CPS1: variants seen among roughly 807,000 people sequenced by gnomAD.
The protein encoded by CPS1 is carbamoyl-phosphate synthase [ammonia], mitochondrial.
Under a neutral mutation model 174.6 loss-of-function variants are expected in CPS1, and 109 were observed. The ratio of observed to expected loss-of-function variants is 0.62; its 90% CI spans 0.53 to 0.73. CPS1 has a LOEUF of 0.73. Among genes scored for constraint, CPS1 ranks in the 30% least tolerant of loss-of-function variants. CPS1 has a pLI of 0.00. For synonymous variants in CPS1, 637 were observed against 632.0 expected (o/e 1.01, Z -0.12); for missense variants, 1,689 against 1,821.9 (o/e 0.93, Z 1.33).
intron 21 of CPS1, among the ~76,000 whole-genome samples, chr2:210,637,097 A>G (rs1333495602): frequency 6.6e-6 from 1 of 152,194 alleles, no homozygotes; most frequent in African/African-American, 2.4e-5. Flanking sequence ...AGAACCGGCC[A>G]TGGATTTGGG....
chr2:210,521,330 T>G (rs1695820781), intron 1 of CPS1, among the ~76,000 whole-genome samples: 1 of 151,860 alleles, frequency 6.6e-6, no homozygotes, highest in East Asian at 1.9e-4. Context: ...TTTCCTTTTT[T>G]TCTCAATTTT....
chr2:210,656,282 T>C (rs1015632077), intron 29 of CPS1, among the ~76,000 whole-genome samples: 2 of 152,192 alleles, frequency 1.3e-5, no homozygotes, highest in African/African-American at 4.8e-5. Context: ...TCCTATTACT[T>C]ATACCCATGC....
At chr2:210,478,214 A>G (rs148834918) in intron 1 of CPS1, among the ~76,000 whole-genome samples, 87 of 152,302 alleles carry the variant, frequency 5.7e-4, no homozygotes, top group African/African-American at 1.9e-3. Context: ...AACAGTATCT[A>G]TTGTTCACTC....
intron 21 of CPS1, among the ~76,000 whole-genome samples, chr2:210,624,391 C>T (rs1270864779): frequency 6.6e-6 from 1 of 152,008 alleles, no homozygotes; most frequent in Non-Finnish European, 1.5e-5. Context: ...CCATTCTATG[C>T]TTTCAGTCTT....
At chr2:210,548,865 T>A (rs573849037) in intron 1 of CPS1, among the ~76,000 whole-genome samples, 2 of 152,208 alleles carry the variant, frequency 1.3e-5, no homozygotes, top group South Asian at 4.1e-4. Context: ...TGGAACTTAA[T>A]GTTTGTGAAA....
chr2:210,639,398 G>A (rs1700139421), intron 23 of CPS1, among the ~76,000 whole-genome samples, 183 bp downstream of exon 23: 1 of 151,454 alleles, frequency 6.6e-6, no homozygotes, highest in African/African-American at 2.4e-5. Context: ...GGATCATGAG[G>A]TCAGGAGATC....
At chr2:210,554,483 T>A (rs1344704562), upstream of CPS1, among the ~76,000 whole-genome samples, 2 of 151,898 alleles carry the variant, frequency 1.3e-5, no homozygotes, top group Non-Finnish European at 2.9e-5. Flanking sequence ...TAAATGGTGA[T>A]GAAGTCTTTT....
At chr2:210,595,719 C>A in intron 13 of CPS1, 137 bp downstream of exon 13, 1 of 687,334 alleles carries the variant, frequency 1.5e-6, no homozygotes, top group Admixed American at 2.4e-5. Flanking sequence ...CTTTATAAAT[C>A]TTGTATTAAA....
chr2:210,631,827 G>T (rs1018970970), intron 21 of CPS1, among the ~76,000 whole-genome samples: 3 of 152,152 alleles, frequency 2.0e-5, no homozygotes, highest in African/African-American at 7.2e-5. Flanking sequence ...GATTTAATGT[G>T]TATATGTTCA....
At chr2:210,487,648 T>G (rs1694764806) in intron 1 of CPS1, among the ~76,000 whole-genome samples, 1 of 152,244 alleles carries the variant, frequency 6.6e-6, no homozygotes. Context: ...GATGTCCTTA[T>G]GTTTAAGATT....
At chr2:210,524,496 G>T (rs1026492656) in intron 1 of CPS1, among the ~76,000 whole-genome samples, 1 of 151,948 alleles carries the variant, frequency 6.6e-6, no homozygotes, top group East Asian at 1.9e-4. Context: ...CTATAATTAA[G>T]TAGTGGATAT....
intron 14 of CPS1, among the ~76,000 whole-genome samples, chr2:210,599,967 G>A (rs1218597316): frequency 6.6e-6 from 1 of 151,904 alleles, no homozygotes; most frequent in African/African-American, 2.4e-5. Flanking sequence ...TGATAGCATA[G>A]ATCAGTCTTT....
rs977488473 is a variant in CPS1, at chr2:210,678,927, T to G, written c.*942T>G. On this transcript the variant is annotated 3_prime_UTR_variant, in exon 38 of 38. Transcript: ENST00000233072. ...ATTCCCTTAAGACGATGGATTCTGT[T>G]GAACTATGGGGTCCCACACTGCACT... 5.3e-5 allele frequency: 8 copies of G among 152,190 alleles called. No individual in the cohort carries two copies. Among genetic ancestry groups the G allele is most frequent in the Admixed American group, 2.0e-4 (3 of 15,280 alleles). The allele number at this position is 152,190 out of a possible 1,614,324, so 9.4% of individuals were successfully genotyped here.
chr2:210,599,461 C>G lies in CPS1; in HGVS notation c.1449C>G (p.Tyr483Ter). ...EVGLKQADTV[Y>*]FLPITPQFVT... ...GCTTAAAGCAAGCGGATACTGTCTA[C>G]TTTCTTCCCATCACCCCTCAGTTTG... The change falls in exon 14 of 38, where the codon TAC becomes TAG. Residue 483 changes from tyrosine (Y) to a stop codon, truncating the protein, a stop_gained. Coordinates refer to ENST00000233072, the MANE Select transcript of CPS1 (RefSeq NM_001875.5). LOFTEE classifies it high-confidence loss of function. 1 of 1,612,628 alleles carries G rather than the reference C, an allele frequency of 6.2e-7. No homozygotes were observed. The highest frequency in any genetic ancestry group is 8.5e-7 in the Non-Finnish European group (1 of 1,179,094).
At chr2:210,635,504 T>G (rs1233891058) in intron 21 of CPS1, among the ~76,000 whole-genome samples, 3 of 152,210 alleles carry the variant, frequency 2.0e-5, no homozygotes, top group African/African-American at 7.2e-5. Flanking sequence ...CCACTGACCA[T>G]GTGTGGCTGT....
At chr2:210,486,153 CA>C (rs1559731086) in intron 1 of CPS1, among the ~76,000 whole-genome samples, 47 of 128,402 alleles carry the variant, frequency 3.7e-4, no homozygotes, top group African/African-American at 1.4e-3. Flanking sequence ...CACACACACA[CA>C]CACACCCTGT....
At chr2:210,667,927 A>G (rs982131361) in intron 33 of CPS1, among the ~76,000 whole-genome samples, 2 of 152,192 alleles carry the variant, frequency 1.3e-5, no homozygotes, top group Admixed American at 6.5e-5. Context: ...AGAATTGCTT[A>G]TTCATTCATT....
At chr2:210,608,160 TGA>T (rs1698986653) in intron 18 of CPS1, among the ~76,000 whole-genome samples, 199 bp from the exon 19 acceptor site, 1 of 151,894 alleles carries the variant, frequency 6.6e-6, no homozygotes, top group African/African-American at 2.4e-5. Context: ...AATTCTCCTG[TGA>T]CCTGTGCCTC....
chr2:210,673,906 G>A (rs1442915355), intron 34 of CPS1: 1 of 151,970 alleles, frequency 6.6e-6, no homozygotes, highest in Admixed American at 6.6e-5. Context: ...AAAAAAAGTT[G>A]AAATACTACT....
Sources: allele counts gnomAD v4.1 joint callset (sites outside exome capture counted in the v4.1 genomes callset), GRCh38; gene constraint gnomAD v4.1.1; transcripts MANE v1.5; gene names NCBI Gene and HGNC (gene_info 2026-07-23, HGNC 2026-07-21).